ASXL1: variants seen among roughly 807,000 people sequenced by gnomAD.
ASXL1 encodes the protein ASXL transcriptional regulator 1.
In ASXL1, 65 loss-of-function variants were observed where a neutral mutation model predicts 89.1. That is an observed-to-expected ratio of 0.73 (90% CI 0.60 to 0.90). The LOEUF is 0.90. ASXL1 is among the 40% of genes least tolerant of loss of function. The probability of loss-of-function intolerance (pLI) is 0.00; values close to 1 mark genes in which losing one functional copy is unlikely to be tolerated. For missense variants in ASXL1, 1,786 were observed against 1,942.9 expected (o/e 0.92, Z 1.52); for synonymous variants, 739 against 746.9 (o/e 0.99, Z 0.17).
intron 4 of ASXL1, among the ~76,000 whole-genome samples, chr20:32,417,592 ATTC>A (rs1262208813): frequency 6.6e-6 from 1 of 152,134 alleles, no homozygotes; most frequent in Non-Finnish European, 1.5e-5. Context: ...CCTTGTTTTA[ATTC>A]TTCTTTAGGA....
chr20:32,392,735 T>C (rs1286344171), intron 4 of ASXL1, among the ~76,000 whole-genome samples: 2 of 152,108 alleles, frequency 1.3e-5, no homozygotes, highest in Non-Finnish European at 2.9e-5. Flanking sequence ...TTCTTTAACT[T>C]ACTGATTATT....
rs2012086219 is a variant in ASXL1 at position 32,439,290 on chromosome 20, T to G, written c.*1952T>G. The stretch of plus-strand genomic sequence containing the variant: ...CACTGCTTCTGTATGTCTCTTGTGG[T>G]ATTGGAACAATAAACCCGTACAACC... On this transcript the variant is annotated 3_prime_UTR_variant, in exon 13 of 13. Coordinates refer to ENST00000375687, the MANE Select transcript of ASXL1 (RefSeq NM_015338.6). 1 of 232,206 alleles carries G rather than the reference T, an allele frequency of 4.3e-6. No individual in the cohort carries two copies. Among genetic ancestry groups the G allele is most frequent in the Non-Finnish European group, 8.5e-6 (1 of 117,156 alleles). The allele number at this position is 232,206 out of a possible 1,614,324, so 14.4% of individuals were successfully genotyped here.
At chr20:32,402,425 G>A (rs1356807256) in intron 4 of ASXL1, among the ~76,000 whole-genome samples, 1 of 152,210 alleles carries the variant, frequency 6.6e-6, no homozygotes, top group Non-Finnish European at 1.5e-5. Flanking sequence ...ACATTTGCAT[G>A]CAGATTTTAG....
rs779269318 is a variant in ASXL1 at position 32,433,751 on chromosome 20, A to T, written c.1553A>T (p.Glu518Val). The T allele has an allele frequency of 4.3e-6, 7 of 1,614,144 alleles. No homozygotes were observed. The East Asian group carries it at 1.6e-4, about 36-fold the overall frequency. The change falls in exon 12 of 13, where the codon GAA (glutamate) becomes GTA (valine). Residue 518 changes from glutamate to valine, a missense_variant. This residue lies in a region of ASXL1 where 1,418 missense variants were observed against 1,427.8 expected (regional missense o/e 0.99). Transcript: ENST00000375687. ...PSLPQETVDQ[E>V]PKDQKRKSFE... ...CTGCCTCAGGAAACTGTGGATCAGGAACCCAAGGATCAGAAGAGGAAATCC... is the reference window on the plus strand; with the variant it reads ...CTGCCTCAGGAAACTGTGGATCAGGTACCCAAGGATCAGAAGAGGAAATCC...
chr20:32,380,698 A>G (rs571551019), intron 4 of ASXL1, among the ~76,000 whole-genome samples: 26 of 152,276 alleles, frequency 1.7e-4, no homozygotes, highest in Admixed American at 3.3e-4. Context: ...TGCAGCTGAC[A>G]TCAAGCCACT....
In ASXL1 at chr20:32,423,349, C is replaced by T. The variant is rs181364994; in HGVS notation, c.253-4779C>T. Among the ~76,000 whole-genome samples, 1,302 of 152,038 alleles carry T rather than the reference C, an allele frequency of 8.6e-3. 10 individuals carry two copies. The highest frequency in any genetic ancestry group is 0.022 in the Admixed American group (334 of 15,276). On this transcript the variant is annotated intron_variant, in intron 4 of 12. Coordinates refer to ENST00000375687, the MANE Select transcript of ASXL1 (RefSeq NM_015338.6). ...GGTTCAAGCGATTCTTGTGCCTCAG[C>T]TTCCCAAGTAGCTGGGATTACAGGT...
intron 4 of ASXL1, among the ~76,000 whole-genome samples, chr20:32,371,493 C>T (rs1340388039): frequency 6.6e-6 from 1 of 152,016 alleles, no homozygotes; most frequent in Non-Finnish European, 1.5e-5. Context: ...TGCCATGTTG[C>T]CCAGGCTGGT....
chr20:32,426,541 CTTTTTTTTCTTTCTTTTTTTTTTTT>C (rs1295982063), intron 4 of ASXL1, among the ~76,000 whole-genome samples: 4 of 92,564 alleles, frequency 4.3e-5, no homozygotes, highest in African/African-American at 7.0e-5. Context: ...AAACTGTTTT[CTTTTTTTTCTTTCTTTTTTTTTTTT>C]TTTTTTTTTT....
chr20:32,430,549 ACCC>A, intron 8 of ASXL1: 1 of 204,458 alleles, frequency 4.9e-6, no homozygotes, highest in East Asian at 7.1e-5. Context: ...CCCACCCCTC[ACCC>A]CACCCCACCC....
Position 32,433,461 on chromosome 20 carries a change from A to G in ASXL1, c.1263A>G (p.Arg421=), listed in dbSNP as rs2123257174. The G allele has an allele frequency of 6.2e-7, 1 of 1,614,208 alleles. No homozygotes were observed. Residue 421 remains arginine, a synonymous_variant, in exon 12 of 13, where the codon AGA becomes AGG. Transcript: ENST00000375687. ...RSRPDLRTRA[R]RNLYKKQESE... ...GGCCAGATCTCCGAACCAGAGCCAG[A>G]AGGAATCTGTACAAAAAACAGGAGT...
intron 4 of ASXL1, among the ~76,000 whole-genome samples, chr20:32,396,829 A>G (rs1043458405): frequency 6.6e-6 from 1 of 152,154 alleles, no homozygotes; most frequent in Non-Finnish European, 1.5e-5. Flanking sequence ...ATGAGGTCAC[A>G]TACTGCTTAC....
intron 4 of ASXL1, among the ~76,000 whole-genome samples, chr20:32,388,158 C>T (rs930602953): frequency 2.6e-5 from 4 of 151,934 alleles, no homozygotes; most frequent in East Asian, 1.9e-4. Flanking sequence ...TCCTCAACAC[C>T]GAAGATATAT....
Position 32,437,089 on chromosome 20 carries a change from C to T in ASXL1, c.4377C>T (p.Ser1459=). Residue 1459 remains serine, a synonymous_variant, in exon 13 of 13, where the codon AGC becomes AGT. Coordinates refer to ENST00000375687, the MANE Select transcript of ASXL1 (RefSeq NM_015338.6). ...LSSTSFNYSS[S]SPTFPKGLAG... ...CCACCAGCTTTAATTATTCCTCTAG[C>T]TCTCCCACCTTTCCCAAAGGCCTTG... The T allele has an allele frequency of 6.2e-7, 1 of 1,614,202 alleles. No individual in the cohort carries two copies. The highest frequency in any genetic ancestry group is 8.5e-7 in the Non-Finnish European group (1 of 1,180,038).
In ASXL1 at chr20:32,409,767, A is replaced by T. The variant is rs1547001; in HGVS notation, c.253-18361A>T. ...TCCCTATCTTTAAAAAAAAAACTGC[A>T]TATTTTACTGAAATTTTACCTATTC... On this transcript the variant is annotated intron_variant, in intron 4 of 12. Transcript: ENST00000375687. 5.3e-3 allele frequency among the ~76,000 whole-genome samples: 805 copies of T among 152,194 alleles called. 11 individuals are homozygous for T. The highest frequency in any genetic ancestry group is 0.018 in the African/African-American group (745 of 41,524).
intron 8 of ASXL1, 122 bp downstream of exon 8, chr20:32,430,175 AT>A: frequency 7.7e-7 from 1 of 1,305,868 alleles, no homozygotes; most frequent in South Asian, 1.6e-5. Context: ...GTGGCCCTCT[AT>A]TTTTTGTTTA....
At chr20:32,370,943 G>A (rs1329219317) in intron 4 of ASXL1, among the ~76,000 whole-genome samples, 1 of 141,188 alleles carries the variant, frequency 7.1e-6, no homozygotes, top group African/African-American at 2.6e-5. Context: ...TTAAACTCAG[G>A]AGTATGAGAC....
At chr20:32,379,786 A>G (rs1037536076) in intron 4 of ASXL1, among the ~76,000 whole-genome samples, 1 of 150,960 alleles carries the variant, frequency 6.6e-6, no homozygotes, top group African/African-American at 2.4e-5. Context: ...AGATCGTGCC[A>G]TTGCACTCCA....
At chr20:32,414,984 TTTTGTTTG>T (rs140588275) in intron 4 of ASXL1, among the ~76,000 whole-genome samples, 51,521 of 150,814 alleles carry the variant, frequency 0.34, 10,007 homozygotes, top group East Asian at 0.73. Flanking sequence ...TTCTGGTGTT[TTTTGTTTG>T]TTTGTTTGTT....
At chr20:32,392,499 C>G (rs981714047) in intron 4 of ASXL1, among the ~76,000 whole-genome samples, 5 of 148,584 alleles carry the variant, frequency 3.4e-5, no homozygotes, top group African/African-American at 1.2e-4. Context: ...CCAGGCTGAT[C>G]TTGAACTCTT....
Sources: gnomAD v4.1 joint callset for allele counts (sites outside exome capture counted in the v4.1 genomes callset) on GRCh38, gnomAD v4.1.1 for gene constraint, gnomAD v4.1.1 regional missense constraint, MANE v1.5 for transcripts, NCBI Gene and HGNC (gene_info 2026-07-23, HGNC 2026-07-21) for gene names.